Variants in LRRTM4 observed in about 807,000 individuals in gnomAD.
The protein encoded by LRRTM4 is leucine-rich repeat transmembrane neuronal protein 4.
LRRTM4 carries 25 observed loss-of-function variants against 47.6 expected under a neutral mutation model. That is an observed-to-expected ratio of 0.53 (90% CI 0.38 to 0.73). The LOEUF is 0.73. Ranked by LOEUF, LRRTM4 falls within the 30% of genes least tolerant of loss-of-function variation. The pLI is 0.00. For synonymous variants in LRRTM4, 311 were observed against 269.5 expected, an observed-to-expected ratio of 1.15 and a Z score of -1.51; for missense variants, 638 against 713.4, an observed-to-expected ratio of 0.89 and a Z score of 1.20.
At chr2:76,750,780 A>G (rs1672824827) in intron 3 of LRRTM4, among the ~76,000 whole-genome samples, 1 of 152,214 alleles carries the variant, frequency 6.6e-6, no homozygotes, top group South Asian at 2.1e-4. Context: ...TGTGATTAAT[A>G]CAACGTTGAC....
At chr2:77,356,725 T>A (rs1352328254) in intron 3 of LRRTM4, among the ~76,000 whole-genome samples, 1 of 152,130 alleles carries the variant, frequency 6.6e-6, no homozygotes, top group Non-Finnish European at 1.5e-5. Flanking sequence ...CCACTTGGAA[T>A]TGAGATAAAA....
In LRRTM4 at chr2:76,915,582, A is replaced by C. The variant is rs143271176; in HGVS notation, c.1552-166666T>G. On this transcript the variant is annotated intron_variant, in intron 3 of 3. Coordinates refer to ENST00000409884, the MANE Select transcript of LRRTM4 (RefSeq NM_001134745.3). Reference sequence around the variant, plus strand: ...TACCTTTGTCACTTAAGTAAATCTGAATGTTTTATTTTTTATTATTCTTTT... The same window carrying C: ...TACCTTTGTCACTTAAGTAAATCTGCATGTTTTATTTTTTATTATTCTTTT... Among the ~76,000 whole-genome samples the C allele has an allele frequency of 4.0e-3, 615 of 152,236 alleles. 5 individuals carry two copies. Among genetic ancestry groups the C allele is most frequent in the African/African-American group, 0.013 (546 of 41,556 alleles).
intron 3 of LRRTM4, among the ~76,000 whole-genome samples, chr2:76,863,397 G>A (rs1227649142): frequency 6.6e-6 from 1 of 152,096 alleles, no homozygotes; most frequent in Non-Finnish European, 1.5e-5. Context: ...CAGCCTTTTA[G>A]TGCTTATAAT....
At chr2:77,248,590 C>A (rs1675515246) in intron 3 of LRRTM4, among the ~76,000 whole-genome samples, 1 of 151,914 alleles carries the variant, frequency 6.6e-6, no homozygotes, top group Non-Finnish European at 1.5e-5. Context: ...ATAGCCAACA[C>A]AATATTGAAG....
intron 3 of LRRTM4, among the ~76,000 whole-genome samples, chr2:77,434,230 C>G (rs116530186): frequency 1.7e-3 from 249 of 145,756 alleles, no homozygotes; most frequent in African/African-American, 6.1e-3. Context: ...TTTTTTTTAT[C>G]AGATCCCAGA....
intron 3 of LRRTM4, among the ~76,000 whole-genome samples, chr2:77,429,464 AG>A (rs1675269104): frequency 6.6e-6 from 1 of 152,304 alleles, no homozygotes; most frequent in Non-Finnish European, 1.5e-5. Context: ...GTCCATCAAA[AG>A]ATGAGTGGAT....
chr2:77,386,880 C>G (rs1238932153), intron 3 of LRRTM4, among the ~76,000 whole-genome samples: 2 of 151,992 alleles, frequency 1.3e-5, no homozygotes, highest in Non-Finnish European at 2.9e-5. Flanking sequence ...GTGCAGCAAA[C>G]CACCGTGGCA....
chr2:76,920,782 T>A (rs1674408319), intron 3 of LRRTM4, among the ~76,000 whole-genome samples: 1 of 152,130 alleles, frequency 6.6e-6, no homozygotes, highest in South Asian at 2.1e-4. Context: ...GCCTTCTACT[T>A]CATTCGCTAA....
intron 3 of LRRTM4, among the ~76,000 whole-genome samples, chr2:76,830,365 C>A (rs1347491617): frequency 6.6e-6 from 1 of 151,896 alleles, no homozygotes; most frequent in African/African-American, 2.4e-5. Flanking sequence ...GTTATTAGCA[C>A]CAATGAAACA....
intron 3 of LRRTM4, among the ~76,000 whole-genome samples, chr2:77,297,251 G>A (rs10179549): frequency 0.36 from 54,364 of 151,954 alleles, 13,943 homozygotes; most frequent in African/African-American, 0.71. Context: ...TTACTATTTA[G>A]AAGAATTTTC....
intron 3 of LRRTM4, among the ~76,000 whole-genome samples, chr2:77,155,624 G>A (rs1672540378): frequency 6.6e-6 from 1 of 151,938 alleles, no homozygotes; most frequent in Non-Finnish European, 1.5e-5. Flanking sequence ...CAGGGTGTGG[G>A]GGAGAAAGAC....
chr2:77,043,947 T>C (rs1679125908), intron 3 of LRRTM4, among the ~76,000 whole-genome samples: 1 of 151,664 alleles, frequency 6.6e-6, no homozygotes, highest in Non-Finnish European at 1.5e-5. Flanking sequence ...ATAGCATACA[T>C]CCCAAGTAAT....
rs963545046 is a variant in LRRTM4, at chr2:76,962,536, CAA to C, written c.1552-213622_1552-213621del. ...ATTTTTTTTTGTCTAGGGAGAGAAA[CAA>C]TATAAATAGCTGAACTTTTGTGGTG... is the stretch of plus-strand genomic sequence containing the variant. On this transcript the variant is annotated intron_variant, in intron 3 of 3. Coordinates refer to ENST00000409884, the MANE Select transcript of LRRTM4 (RefSeq NM_001134745.3). Among the ~76,000 whole-genome samples, 3 of 150,002 alleles carry C rather than the reference CAA, an allele frequency of 2.0e-5. No homozygotes were observed. In the South Asian group the frequency reaches 6.3e-4, roughly 31 times the overall value.
chr2:77,269,934 CAT>C (rs933172781), intron 3 of LRRTM4, among the ~76,000 whole-genome samples: 23 of 152,198 alleles, frequency 1.5e-4, no homozygotes, highest in African/African-American at 5.5e-4. Context: ...AACTAAGTAA[CAT>C]AGGCACTTTC....
chr2:77,047,973 C>G (rs1275587352), intron 3 of LRRTM4, among the ~76,000 whole-genome samples: 2 of 151,984 alleles, frequency 1.3e-5, no homozygotes, highest in East Asian at 3.9e-4. Flanking sequence ...TCAAATAATG[C>G]TCATTTGTGT....
At chr2:76,903,613 G>C (rs1304069321) in intron 3 of LRRTM4, among the ~76,000 whole-genome samples, 1 of 152,152 alleles carries the variant, frequency 6.6e-6, no homozygotes, top group Admixed American at 6.5e-5. Context: ...ATCTAATCTT[G>C]ATGGTGTTTG....
At chr2:76,758,089 A>G (rs1409431904) in intron 3 of LRRTM4, among the ~76,000 whole-genome samples, 1 of 152,134 alleles carries the variant, frequency 6.6e-6, no homozygotes, top group East Asian at 1.9e-4. Flanking sequence ...ATTTGGATCT[A>G]TATAAAACCA....
intron 3 of LRRTM4, among the ~76,000 whole-genome samples, chr2:77,391,927 A>G (rs1008977238): frequency 6.6e-6 from 1 of 152,036 alleles, no homozygotes; most frequent in Non-Finnish European, 1.5e-5. Context: ...GCAACATATA[A>G]TAGATAACAG....
intron 3 of LRRTM4, among the ~76,000 whole-genome samples, chr2:77,207,214 T>C (rs1674151739): frequency 7.5e-6 from 1 of 133,300 alleles, no homozygotes; most frequent in African/African-American, 3.4e-5. Flanking sequence ...CCAGGAAAAA[T>C]ATATACACAT....
Sources: allele counts gnomAD v4.1 joint callset (sites outside exome capture counted in the v4.1 genomes callset), GRCh38; gene constraint gnomAD v4.1.1; transcripts MANE v1.5; gene names NCBI Gene and HGNC (gene_info 2026-07-23, HGNC 2026-07-21).